The following CCDC7 variants were observed in gnomAD, a reference collection of about 807,000 sequenced individuals.
CCDC7 encodes coiled-coil domain containing 7.
CCDC7 carries 183 observed loss-of-function variants against 196.9 expected under a neutral mutation model. The ratio of observed to expected loss-of-function variants is 0.93; its 90% CI spans 0.82 to 1.05. CCDC7 has a LOEUF of 1.05. Ranked by LOEUF, CCDC7 falls within the 50% of genes least tolerant of loss-of-function variation. The probability of loss-of-function intolerance (pLI) is 0.00; values close to 1 mark genes in which losing one functional copy is unlikely to be tolerated. For synonymous variants in CCDC7, 525 were observed against 484.6 expected (o/e 1.08, Z -1.10); for missense variants, 1,540 against 1,482.2 (o/e 1.04, Z -0.64).
At chr10:32,549,859 TTTC>T (rs1354146394) in intron 13 of CCDC7, among the ~76,000 whole-genome samples, 1 of 152,182 alleles carries the variant, frequency 6.6e-6, no homozygotes. Context: ...TGCCTTCAGA[TTTC>T]TTCTTTTTGC....
chr10:32,516,112 A>G (rs530218328), intron 9 of CCDC7, among the ~76,000 whole-genome samples: 16 of 152,310 alleles, frequency 1.1e-4, no homozygotes, highest in South Asian at 8.3e-4. Flanking sequence ...TTCACAAATC[A>G]TATATCTGCT....
At chr10:32,832,803 T>C (rs563732569) in intron 32 of CCDC7, among the ~76,000 whole-genome samples, 55 of 152,114 alleles carry the variant, frequency 3.6e-4, no homozygotes, top group Admixed American at 8.5e-4. Flanking sequence ...CTTCTCTTAA[T>C]TGATTTAAAA....
At chr10:32,821,990 T>C (rs571017091) in intron 31 of CCDC7, among the ~76,000 whole-genome samples, 3 of 116,650 alleles carry the variant, frequency 2.6e-5, no homozygotes, top group Non-Finnish European at 6.2e-5. Context: ...AAACAATAAA[T>C]AAAAGTGCTG....
Position 32,613,261 on chromosome 10 carries a change from G to A in CCDC7, c.1802-20993G>A, listed in dbSNP as rs374633000. Among the ~76,000 whole-genome samples the A allele has an allele frequency of 2.0e-5, 3 of 151,966 alleles. No individual in the cohort carries two copies. The East Asian group carries it at 5.8e-4, about 29-fold the overall frequency. On this transcript the variant is annotated intron_variant, in intron 18 of 41. Transcript: ENST00000639629. ...TAGTTTATATTTTTGTGGGATTGGT[G>A]GTGATATCCCCTTTATCGATTTTAT...
rs200935904 is a variant in CCDC7 at position 32,612,880 on chromosome 10, GT to G, written c.1802-21363del. Reference sequence around the variant, plus strand: ...GGGATATTGGCCTGAAATTTTCTTTGTTTTTTTTTTTGTTGTGTCTCTGCCA... The same window carrying G: ...GGGATATTGGCCTGAAATTTTCTTTGTTTTTTTTTTGTTGTGTCTCTGCCA... On this transcript the variant is annotated intron_variant, in intron 18 of 41. Coordinates refer to ENST00000639629, the Ensembl canonical transcript of CCDC7. 7.4e-4 allele frequency among the ~76,000 whole-genome samples: 107 copies of G among 144,730 alleles called. 3 individuals carry two copies. Among genetic ancestry groups the G allele is most frequent in the Admixed American group, 6.2e-4 (9 of 14,444 alleles). The allele number at this position is 144,730 out of a possible 152,430, so 94.9% of individuals were successfully genotyped here. A position where few individuals can be genotyped will look rare whatever the true frequency, so the allele number is the denominator to read the frequency against.
intron 18 of CCDC7, among the ~76,000 whole-genome samples, chr10:32,613,985 G>T (rs1268334723): frequency 6.6e-6 from 1 of 152,094 alleles, no homozygotes; most frequent in African/African-American, 2.4e-5. Context: ...CTGTCTCATT[G>T]ATCTAATATT....
At chr10:32,611,829 A>G (rs1465924669) in intron 18 of CCDC7, among the ~76,000 whole-genome samples, 1 of 152,138 alleles carries the variant, frequency 6.6e-6, no homozygotes, top group Non-Finnish European at 1.5e-5. Flanking sequence ...GTAGCCTTGT[A>G]GTATAATTTG....
At chr10:32,483,284 G>A (rs1415718414) in intron 8 of CCDC7, among the ~76,000 whole-genome samples, 1 of 152,216 alleles carries the variant, frequency 6.6e-6, no homozygotes, top group Non-Finnish European at 1.5e-5. Context: ...TCTTTTGGCT[G>A]CATAAAAGTC....
At chr10:32,873,607 A>T (rs778695604) in intron 41 of CCDC7, among the ~76,000 whole-genome samples, 13 of 151,672 alleles carry the variant, frequency 8.6e-5, no homozygotes, top group Non-Finnish European at 1.6e-4. Flanking sequence ...TCTGTACCAC[A>T]TTTTGTTTAT....
At chr10:32,811,178 G>A (rs186899883) in intron 30 of CCDC7, among the ~76,000 whole-genome samples, 1 of 151,992 alleles carries the variant, frequency 6.6e-6, no homozygotes, top group Admixed American at 6.5e-5. Context: ...GCAGAACTAA[G>A]TGAAATAGAT....
At chr10:32,755,528 A>C (rs1428077194) in intron 28 of CCDC7, among the ~76,000 whole-genome samples, 1 of 152,184 alleles carries the variant, frequency 6.6e-6, no homozygotes, top group African/African-American at 2.4e-5. Context: ...ACAGACCTGC[A>C]GCTGAGGGTC....
intron 28 of CCDC7, among the ~76,000 whole-genome samples, chr10:32,764,039 A>G (rs543826900): frequency 2.0e-5 from 3 of 152,086 alleles, no homozygotes; most frequent in South Asian, 2.1e-4. Flanking sequence ...CAATGTATAC[A>G]TATATCAAAA....
intron 23 of CCDC7, among the ~76,000 whole-genome samples, chr10:32,691,420 G>T (rs569687640): frequency 6.6e-6 from 1 of 151,988 alleles, no homozygotes; most frequent in Non-Finnish European, 1.5e-5. Context: ...ACCCAGGAAT[G>T]GGTGCCAAAT....
chr10:32,670,131 C>G (rs1214974568), intron 21 of CCDC7, among the ~76,000 whole-genome samples: 1 of 152,070 alleles, frequency 6.6e-6, no homozygotes, highest in Non-Finnish European at 1.5e-5. Flanking sequence ...CCTTTACTGT[C>G]TTCCCTCTGG....
At chr10:32,583,951 C>T (rs528663252) in intron 17 of CCDC7, among the ~76,000 whole-genome samples, 29 of 152,142 alleles carry the variant, frequency 1.9e-4, no homozygotes, top group Non-Finnish European at 3.7e-4. Context: ...ATTATTAACA[C>T]TATTTGCTTA....
At chr10:32,770,660 G>T (rs2134068412) in intron 28 of CCDC7, among the ~76,000 whole-genome samples, 1 of 152,154 alleles carries the variant, frequency 6.6e-6, no homozygotes, top group South Asian at 2.1e-4. Context: ...TAAGTCCGTT[G>T]TTTCTCTGTT....
intron 18 of CCDC7, among the ~76,000 whole-genome samples, chr10:32,627,096 T>C (rs2064158483): frequency 6.6e-6 from 1 of 151,858 alleles, no homozygotes; most frequent in South Asian, 2.1e-4. Flanking sequence ...AAAAGTGACA[T>C]TGGAATTTTA....
chr10:32,518,029 G>T, intron 10 of CCDC7, 54 bp downstream of exon 11: 1 of 1,514,786 alleles, frequency 6.6e-7, no homozygotes, highest in Non-Finnish European at 8.8e-7. Context: ...GTTCTTAACA[G>T]ATTCTAGAAA....
At chr10:32,687,917 T>C (rs1298808897) in intron 22 of CCDC7, among the ~76,000 whole-genome samples, 1 of 152,100 alleles carries the variant, frequency 6.6e-6, no homozygotes, top group African/African-American at 2.4e-5. Flanking sequence ...AGAAGATCCT[T>C]AGTGGGGAGT....
Sources: allele counts gnomAD v4.1 joint callset (sites outside exome capture counted in the v4.1 genomes callset), GRCh38; gene constraint gnomAD v4.1.1; transcripts MANE v1.5; gene names NCBI Gene and HGNC (gene_info 2026-07-23, HGNC 2026-07-21).